DNAH7: variants seen among roughly 807,000 people sequenced by gnomAD.
DNAH7 encodes the protein axonemal beta dynein heavy chain 7.
Under a neutral mutation model 444.6 loss-of-function variants are expected in DNAH7, and 397 were observed. That is an observed-to-expected ratio of 0.89 (90% CI 0.82 to 0.97). DNAH7 has a LOEUF of 0.97. Ranked by LOEUF, DNAH7 falls within the 50% of genes least tolerant of loss-of-function variation. The pLI, the probability that DNAH7 is intolerant of heterozygous loss-of-function variation, is 0.00. For synonymous variants in DNAH7, 1,636 were observed against 1,624.4 expected, an observed-to-expected ratio of 1.01 and a Z score of -0.17; for missense variants, 4,902 against 4,800.8, an observed-to-expected ratio of 1.02 and a Z score of -0.62.
At chr2:195,872,135 A>G in intron 40 of DNAH7, 115 bp downstream of exon 40, 1 of 854,272 alleles carries the variant, frequency 1.2e-6, no homozygotes, top group South Asian at 2.0e-5. Context: ...TCAAAATGCC[A>G]AATAACTGAA....
chr2:196,008,669 G>C (rs1320269422), intron 10 of DNAH7, among the ~76,000 whole-genome samples: 2 of 152,146 alleles, frequency 1.3e-5, no homozygotes, highest in Non-Finnish European at 2.9e-5. Context: ...CTTCCTGTAA[G>C]AAGCCAGGCA....
Position 195,840,779 on chromosome 2 carries a change from AT to A in DNAH7, c.8945+4222del, listed in dbSNP as rs143932883. On this transcript the variant is annotated intron_variant, in intron 47 of 64. Transcript: ENST00000312428. ...GTATAAATCTAACCACAAAACACTG[AT>A]GAAAGAAATCAAAGGAGGCCTAAGT... is the stretch of plus-strand genomic sequence containing the variant. Among the ~76,000 whole-genome samples the A allele has an allele frequency of 9.0e-3, 1,363 of 151,928 alleles. 21 individuals carry two copies. Among genetic ancestry groups the A allele is most frequent in the African/African-American group, 0.031 (1,270 of 41,546 alleles).
chr2:196,030,131 T>C (rs940037233), intron 5 of DNAH7, among the ~76,000 whole-genome samples: 6 of 152,216 alleles, frequency 3.9e-5, no homozygotes, highest in African/African-American at 7.2e-5. Context: ...TTAATGGACT[T>C]ACAGTTCCAT....
intron 3 of DNAH7, among the ~76,000 whole-genome samples, chr2:196,050,805 C>T (rs889043594): frequency 2.6e-5 from 4 of 152,130 alleles, no homozygotes; most frequent in Admixed American, 6.5e-5. Flanking sequence ...CCTTGAAGAT[C>T]ATCAAATCAA....
intron 27 of DNAH7, chr2:195,905,423 T>C (rs555433663): frequency 2.6e-5 from 4 of 152,206 alleles, no homozygotes; most frequent in Non-Finnish European, 4.4e-5. Context: ...AGACTTAACA[T>C]ATAAAGGGGC....
intron 35 of DNAH7, among the ~76,000 whole-genome samples, chr2:195,883,395 C>G (rs1329439757): frequency 1.3e-5 from 2 of 151,550 alleles, no homozygotes; most frequent in Non-Finnish European, 2.9e-5. Flanking sequence ...TTGCAGTGAG[C>G]CGAGATCGTG....
Position 195,853,516 on chromosome 2 carries a change from T to C in DNAH7, c.8608A>G (p.Ser2870Gly), listed in dbSNP as rs1163051034. Residue 2870 changes from serine to glycine, a missense_variant, in exon 46 of 65, where the codon AGC becomes GGC. Transcript: ENST00000312428. Reference sequence around the variant, plus strand: ...TGTTCAGCTCGTTCTAGTTTTTTGCTGCAAAGGTCAACCTCGAAAATAAAA... The same window carrying C: ...TGTTCAGCTCGTTCTAGTTTTTTGCCGCAAAGGTCAACCTCGAAAATAAAA... ...ADLENQVDLCSKKLERAEQLI... is the reference protein window; with the variant it reads ...ADLENQVDLCGKKLERAEQLI... The C allele has an allele frequency of 1.2e-6, 2 of 1,609,000 alleles. No homozygotes were observed. The highest frequency in any genetic ancestry group is 1.7e-6 in the Non-Finnish European group (2 of 1,177,504).
At chr2:195,951,819 T>C (rs1380547205) in intron 19 of DNAH7, among the ~76,000 whole-genome samples, 1 of 152,176 alleles carries the variant, frequency 6.6e-6, no homozygotes, top group African/African-American at 2.4e-5. Context: ...TGAGCCTATG[T>C]GTGTGCCTGC....
chr2:195,917,418 A>T (rs1042745675), intron 24 of DNAH7, among the ~76,000 whole-genome samples: 1 of 146,386 alleles, frequency 6.8e-6, no homozygotes, highest in Non-Finnish European at 1.5e-5. Flanking sequence ...ACAGGTGGAC[A>T]GCCCACCCTA....
intron 19 of DNAH7, among the ~76,000 whole-genome samples, chr2:195,938,006 T>A (rs7579609): frequency 0.093 from 14,131 of 152,150 alleles, 736 homozygotes; most frequent in African/African-American, 0.13. Context: ...TAGATATTTT[T>A]GGTATTTAGC....
At chr2:195,978,853 G>T (rs1344202344) in intron 15 of DNAH7, among the ~76,000 whole-genome samples, 2 of 152,028 alleles carry the variant, frequency 1.3e-5, no homozygotes, top group African/African-American at 2.4e-5. Flanking sequence ...TGATATAGGG[G>T]CTGATTCAGC....
chr2:196,021,191 G>T, intron 8 of DNAH7, among the ~76,000 whole-genome samples: 1 of 151,938 alleles, frequency 6.6e-6, no homozygotes. Context: ...AGTTGCTATG[G>T]GGATTAAAAA....
chr2:196,000,988 T>G, intron 11 of DNAH7, 105 bp from the exon 12 acceptor site: 3 of 895,938 alleles, frequency 3.3e-6, no homozygotes, highest in Non-Finnish European at 4.7e-6. Flanking sequence ...CACTTTCTCT[T>G]ATGACCCAGA....
At chr2:195,781,858 T>C (rs1695396585) in intron 58 of DNAH7, among the ~76,000 whole-genome samples, 1 of 152,246 alleles carries the variant, frequency 6.6e-6, no homozygotes, top group East Asian at 1.9e-4. Flanking sequence ...GTATTGTGTT[T>C]ATATATGTGT....
At chr2:195,795,495 TATG>T (rs1373225949) in intron 56 of DNAH7, among the ~76,000 whole-genome samples, 2 of 152,174 alleles carry the variant, frequency 1.3e-5, no homozygotes, top group East Asian at 3.9e-4. Flanking sequence ...TTACATCAAC[TATG>T]ATGACGTATA....
intron 49 of DNAH7, among the ~76,000 whole-genome samples, chr2:195,822,781 A>C (rs1697533908): frequency 6.6e-6 from 1 of 152,250 alleles, no homozygotes; most frequent in African/African-American, 2.4e-5. Context: ...TTTACTGAAC[A>C]GTAAAAAAGG....
At position 196,026,946 on chromosome 2, in the gene DNAH7, A is replaced by G; in HGVS notation, c.487-6T>C. On this transcript the variant is annotated splice_region_variant and splice_polypyrimidine_tract_variant and intron_variant, in intron 6 of 64. Transcript: ENST00000312428. ...TGAATATAATAGTAATATCTCTACA[A>G]AAAGAAGATAGGAAAAATGTAGATG... 6.4e-7 allele frequency: 1 copy of G among 1,564,504 alleles called. No individual in the cohort carries two copies. Among genetic ancestry groups the G allele is most frequent in the Non-Finnish European group, 8.7e-7 (1 of 1,152,368 alleles).
intron 6 of DNAH7, 59 bp downstream of exon 6, chr2:196,027,901 A>G: frequency 1.3e-6 from 2 of 1,516,510 alleles, no homozygotes; most frequent in Admixed American, 1.8e-5. Context: ...AAAGTATAAA[A>G]TTATCTTCAA....
chr2:195,832,097 T>C (rs1475935148), intron 48 of DNAH7, among the ~76,000 whole-genome samples: 1 of 152,256 alleles, frequency 6.6e-6, no homozygotes, highest in Non-Finnish European at 1.5e-5. Flanking sequence ...CTTTATACTA[T>C]GCCTTGCAGC....
Sources: allele counts gnomAD v4.1 joint callset (sites outside exome capture counted in the v4.1 genomes callset), GRCh38; gene constraint gnomAD v4.1.1; transcripts MANE v1.5; gene names NCBI Gene and HGNC (gene_info 2026-07-23, HGNC 2026-07-21).